The following FBXL17 variants were observed in gnomAD, a reference collection of about 807,000 sequenced individuals.
FBXL17 encodes F-box/LRR-repeat protein 17.
Under a neutral mutation model 66.2 loss-of-function variants are expected in FBXL17, and 22 were observed. That is an observed-to-expected ratio of 0.33 (90% CI 0.24 to 0.47). The LOEUF is 0.47. FBXL17 is among the 20% of genes least tolerant of loss of function. The pLI, the probability that FBXL17 is intolerant of heterozygous loss-of-function variation, is 1.00. For synonymous variants in FBXL17, 474 were observed against 400.5 expected, an observed-to-expected ratio of 1.18 and a Z score of -2.19; for missense variants, 878 against 948.2, an observed-to-expected ratio of 0.93 and a Z score of 0.97.
At position 107,860,027 on chromosome 5, in the gene FBXL17, T is replaced by C. The variant is rs1016384044; in HGVS notation, c.*1693A>G. ...GAAACCCATTTAGTTATGGGAAGAA[T>C]ACTCATGGCGCTTACTGACTAGATT... On this transcript the variant is annotated 3_prime_UTR_variant, in exon 9 of 9. Coordinates refer to ENST00000542267, the MANE Select transcript of FBXL17 (RefSeq NM_001163315.3). 2.0e-5 allele frequency: 3 copies of C among 152,194 alleles called. No homozygotes were observed. Among genetic ancestry groups the C allele is most frequent in the Non-Finnish European group, 4.4e-5 (3 of 68,030 alleles). The allele number at this position is 152,194 out of a possible 1,614,324, so 9.4% of individuals were successfully genotyped here.
At chr5:108,180,895 T>C (rs715638) in intron 6 of FBXL17, among the ~76,000 whole-genome samples, 43,395 of 152,048 alleles carry the variant, frequency 0.29, 7,389 homozygotes, top group Admixed American at 0.4. Flanking sequence ...TTATCAAATA[T>C]ATGATTTGAT....
intron 4 of FBXL17, among the ~76,000 whole-genome samples, chr5:108,332,583 T>C (rs1760173856): frequency 6.6e-6 from 1 of 152,060 alleles, no homozygotes; most frequent in Admixed American, 6.6e-5. Context: ...TCAGAGGTAG[T>C]TCAGGACAAA....
intron 7 of FBXL17, among the ~76,000 whole-genome samples, chr5:107,928,219 C>T (rs1750598753): frequency 6.6e-6 from 1 of 152,004 alleles, no homozygotes; most frequent in Non-Finnish European, 1.5e-5. Flanking sequence ...ATGGGGCCTG[C>T]TCAAGCTCTA....
intron 6 of FBXL17, among the ~76,000 whole-genome samples, chr5:108,045,782 T>C (rs1580367646): frequency 6.6e-6 from 1 of 152,356 alleles, no homozygotes; most frequent in East Asian, 1.9e-4. Flanking sequence ...CTGATATCTT[T>C]CTGGTTTTGA....
intron 6 of FBXL17, among the ~76,000 whole-genome samples, chr5:108,089,176 T>C (rs1455579698): frequency 6.6e-6 from 1 of 152,194 alleles, no homozygotes; most frequent in East Asian, 1.9e-4. Context: ...CGAAATGCTC[T>C]CATCTCTCAC....
intron 4 of FBXL17, among the ~76,000 whole-genome samples, chr5:108,346,909 G>A (rs960813276): frequency 6.6e-6 from 1 of 152,008 alleles, no homozygotes; most frequent in Non-Finnish European, 1.5e-5. Flanking sequence ...ACTGTCTCAA[G>A]AATGACTATT....
chr5:108,366,338 T>C (rs977778169), intron 2 of FBXL17, among the ~76,000 whole-genome samples: 16 of 152,128 alleles, frequency 1.1e-4, no homozygotes, highest in Non-Finnish European at 1.8e-4. Flanking sequence ...ATTCAAGTCC[T>C]TTCAGTAAAA....
intron 1 of FBXL17, among the ~76,000 whole-genome samples, chr5:108,373,296 T>TAATATATATCTAAATATATTAATATA (rs1749176816): frequency 1.4e-5 from 2 of 140,674 alleles, no homozygotes; most frequent in Non-Finnish European, 3.0e-5. Context: ...AATATAAATA[T>TAATATATATCTAAATATATTAATATA]AATATATATC....
Position 107,965,389 on chromosome 5 carries a change from T to C in FBXL17, c.1822+55536A>G, listed in dbSNP as rs76835869. 3.9e-5 allele frequency among the ~76,000 whole-genome samples: 6 copies of C among 152,274 alleles called. No individual in the cohort carries two copies. In the East Asian group the frequency reaches 5.8e-4, roughly 15 times the overall value. ...AAATATAAAGAACTGCAGAAATCAA[T>C]TGCAGAATTCTCCTGAAAAATACCT... On this transcript the variant is annotated intron_variant, in intron 7 of 8. Coordinates refer to ENST00000542267, the MANE Select transcript of FBXL17 (RefSeq NM_001163315.3).
At chr5:107,888,852 A>G (rs1749094265) in intron 7 of FBXL17, among the ~76,000 whole-genome samples, 1 of 152,136 alleles carries the variant, frequency 6.6e-6, no homozygotes, top group South Asian at 2.1e-4. Flanking sequence ...GTAATTGCCT[A>G]TGAGTGGACT....
intron 5 of FBXL17, among the ~76,000 whole-genome samples, chr5:108,215,457 C>A (rs1175340981): frequency 1.3e-5 from 2 of 152,166 alleles, no homozygotes; most frequent in Non-Finnish European, 2.9e-5. Flanking sequence ...ATTTCCCAGT[C>A]ATTTGCATAA....
rs994507185 is a variant in FBXL17 at position 108,079,007 on chromosome 5, C to T, written c.1746-58006G>A. Among the ~76,000 whole-genome samples, 11 of 152,036 alleles carry T rather than the reference C, an allele frequency of 7.2e-5. 1 individual carries two copies. The highest frequency in any genetic ancestry group is 1.4e-4 in the African/African-American group (6 of 41,400). Reference sequence around the variant, plus strand: ...ACAGCCTTAATCTTCCAGCCTTGAACGATCTAATTTTTTTTTTTCCCTGTA... The same window carrying T: ...ACAGCCTTAATCTTCCAGCCTTGAATGATCTAATTTTTTTTTTTCCCTGTA... On this transcript the variant is annotated intron_variant, in intron 6 of 8. Coordinates refer to ENST00000542267, the MANE Select transcript of FBXL17 (RefSeq NM_001163315.3).
At chr5:108,307,314 T>C (rs532124599) in intron 4 of FBXL17, among the ~76,000 whole-genome samples, 1 of 152,194 alleles carries the variant, frequency 6.6e-6, no homozygotes, top group Admixed American at 6.6e-5. Flanking sequence ...TTTTATTTAT[T>C]TATTTTTTGA....
At chr5:108,068,546 C>G (rs1222693485) in intron 6 of FBXL17, among the ~76,000 whole-genome samples, 1 of 152,042 alleles carries the variant, frequency 6.6e-6, no homozygotes, top group Non-Finnish European at 1.5e-5. Flanking sequence ...ACCTCCACCT[C>G]CCGGGTTCAA....
Position 108,196,196 on chromosome 5 carries a change from C to G in FBXL17, c.1615-9949G>C, listed in dbSNP as rs182314124. Among the ~76,000 whole-genome samples the G allele has an allele frequency of 2.7e-3, 410 of 151,632 alleles. 2 individuals are homozygous for G. The highest frequency in any genetic ancestry group is 3.4e-3 in the Non-Finnish European group (234 of 67,914). ...TCACAGTAATAAAATAGAACACAAA[C>G]AGCCTAGCCCAATTCTTTAAAAAAC... On this transcript the variant is annotated intron_variant, in intron 5 of 8. Transcript: ENST00000542267.
At chr5:108,250,054 A>C (rs1472435153) in intron 4 of FBXL17, among the ~76,000 whole-genome samples, 2 of 152,164 alleles carry the variant, frequency 1.3e-5, no homozygotes, top group Non-Finnish European at 2.9e-5. Context: ...AAATCTCTTC[A>C]AAGGTTTTTA....
At chr5:108,186,698 G>A (rs184638422) in intron 5 of FBXL17, among the ~76,000 whole-genome samples, 1 of 151,804 alleles carries the variant, frequency 6.6e-6, no homozygotes, top group African/African-American at 2.4e-5. Flanking sequence ...GAACCCGGGA[G>A]GCAGAGGTTG....
chr5:108,086,812 C>T (rs1425895418), intron 6 of FBXL17, among the ~76,000 whole-genome samples: 1 of 152,104 alleles, frequency 6.6e-6, no homozygotes, highest in Non-Finnish European at 1.5e-5. Flanking sequence ...CCACCCGCCT[C>T]GGCCTCCCAA....
chr5:108,189,287 AGGATGGGATG>A (rs5870302), intron 5 of FBXL17, among the ~76,000 whole-genome samples: 52,240 of 112,158 alleles, frequency 0.47, 12,340 homozygotes, highest in South Asian at 0.66. Context: ...AAGAATTCAT[AGGATGGGATG>A]GGATGGGATG....
Sources: allele counts gnomAD v4.1 joint callset (sites outside exome capture counted in the v4.1 genomes callset), GRCh38; gene constraint gnomAD v4.1.1; transcripts MANE v1.5; gene names NCBI Gene and HGNC (gene_info 2026-07-23, HGNC 2026-07-21).